Variants in NCAM1 observed in about 807,000 individuals in gnomAD.
NCAM1 encodes the protein antigen recognized by monoclonal antibody 5.1H11.
NCAM1 carries 14 observed loss-of-function variants against 109.8 expected under a neutral mutation model. The ratio of observed to expected loss-of-function variants is 0.13; its 90% CI spans 0.08 to 0.20. The LOEUF (loss-of-function observed/expected upper bound fraction) is 0.20, where lower values mean the gene tolerates loss of function less well. NCAM1 is among the 10% of genes least tolerant of loss of function. The pLI is 1.00. For missense variants in NCAM1, 774 were observed against 1,109.9 expected, an observed-to-expected ratio of 0.70 and a Z score of 4.30; for synonymous variants, 418 against 442.9, an observed-to-expected ratio of 0.94 and a Z score of 0.70.
chr11:113,242,574 C>A (rs1945363542), intron 14 of NCAM1, among the ~76,000 whole-genome samples: 2 of 152,146 alleles, frequency 1.3e-5, no homozygotes, highest in African/African-American at 4.8e-5. Context: ...CGCACCATTG[C>A]ACTCTAGCCT....
intron 1 of NCAM1, among the ~76,000 whole-genome samples, chr11:113,095,642 C>T (rs561244639): frequency 2.1e-4 from 32 of 152,338 alleles, no homozygotes; most frequent in Admixed American, 1.6e-3. Flanking sequence ...CAATAGCTGA[C>T]GTTTTCTGAG....
intron 1 of NCAM1, among the ~76,000 whole-genome samples, chr11:113,116,975 C>T (rs1219565272): frequency 1.3e-5 from 2 of 151,842 alleles, no homozygotes; most frequent in Non-Finnish European, 2.9e-5. Context: ...AGTGGGCACT[C>T]CCAGTCAAAT....
At chr11:113,190,993 C>T (rs1211563347) in intron 1 of NCAM1, among the ~76,000 whole-genome samples, 1 of 152,190 alleles carries the variant, frequency 6.6e-6, no homozygotes, top group Admixed American at 6.5e-5. Flanking sequence ...GAACCAGTCA[C>T]AATTTATGGA....
chr11:113,252,799 CTTTTTTTTTTTTTTTTTTT>C (rs33948720), intron 15 of NCAM1, among the ~76,000 whole-genome samples: 2 of 39,706 alleles, frequency 5.0e-5, no homozygotes, highest in African/African-American at 9.6e-5. Flanking sequence ...CTATGCCCAG[CTTTTTTTTTTTTTTTTTTT>C]TTTTTTTTTT....
rs962025679 is a variant in NCAM1, at chr11:113,278,338, C to T, written c.*2951C>T. ...TGAAACATCGATACCACCTTTGTTT[C>T]CATTCTCACTGGTGTAAATACTGAG... On this transcript the variant is annotated 3_prime_UTR_variant, in exon 20 of 20. Coordinates refer to ENST00000316851, the MANE Select transcript of NCAM1 (RefSeq NM_181351.5). The T allele has an allele frequency of 2.6e-5, 4 of 152,186 alleles. No individual in the cohort carries two copies. The South Asian group carries it at 8.3e-4, about 32-fold the overall frequency. The allele number at this position is 152,186 out of a possible 1,614,324, so 9.4% of individuals were successfully genotyped here. A position where few individuals can be genotyped will look rare whatever the true frequency, so the allele number is the denominator to read the frequency against.
In NCAM1 at chr11:113,260,301, G is replaced by A. The variant is rs782023264; in HGVS notation, c.2109G>A (p.Ser703=). The change falls in exon 17 of 20, where the codon TCG becomes TCA. Residue 703 remains serine (S), a synonymous_variant. Transcript: ENST00000316851. ...CGGCTCATTTTGTGTTCAGGACCTC[G>A]GCCCAGCCCACAGCCATCCCAGGTA... The part of the protein sequence containing the change: ...SKAAHFVFRT[S]AQPTAIPANG... 3.0e-5 allele frequency: 49 copies of A among 1,612,832 alleles called. No homozygotes were observed. Among genetic ancestry groups the A allele is most frequent in the Admixed American group, 8.4e-5 (5 of 59,744 alleles).
At chr11:113,171,235 A>C (rs1555106179) in intron 1 of NCAM1, among the ~76,000 whole-genome samples, 1 of 152,222 alleles carries the variant, frequency 6.6e-6, no homozygotes, top group African/African-American at 2.4e-5. Context: ...CTCTTAAGTA[A>C]GTGGCAGAGC....
intron 9 of NCAM1, 68 bp from the exon 10 acceptor site, chr11:113,231,577 C>A: frequency 4.7e-6 from 7 of 1,501,994 alleles, no homozygotes; most frequent in Non-Finnish European, 6.4e-6. Flanking sequence ...CCCCATCCTG[C>A]CATAGCACTG....
intron 1 of NCAM1, among the ~76,000 whole-genome samples, chr11:113,168,759 A>G (rs954445611): frequency 3.3e-5 from 5 of 152,202 alleles, no homozygotes; most frequent in Non-Finnish European, 5.9e-5. Context: ...AGCTAATTAT[A>G]TTTAACCACG....
intron 1 of NCAM1, among the ~76,000 whole-genome samples, chr11:113,043,861 C>T (rs1953166412): frequency 6.6e-6 from 1 of 152,096 alleles, no homozygotes; most frequent in Admixed American, 6.5e-5. Context: ...CATGCTCCAC[C>T]TAGCATTGTG....
At chr11:113,012,113 G>A (rs1555074607) in intron 1 of NCAM1, among the ~76,000 whole-genome samples, 2 of 151,808 alleles carry the variant, frequency 1.3e-5, no homozygotes, top group African/African-American at 4.8e-5. Flanking sequence ...CCATCTCCTG[G>A]GTTCAAGTGG....
intron 1 of NCAM1, among the ~76,000 whole-genome samples, chr11:113,027,318 G>A (rs1952577236): frequency 6.6e-6 from 1 of 152,190 alleles, no homozygotes; most frequent in Non-Finnish European, 1.5e-5. Flanking sequence ...TGGCTAAAAG[G>A]TAACAGAACA....
intron 1 of NCAM1, among the ~76,000 whole-genome samples, chr11:113,177,596 G>A (rs1271453398): frequency 3.3e-5 from 5 of 152,088 alleles, no homozygotes; most frequent in African/African-American, 1.2e-4. Flanking sequence ...ACCACACCCA[G>A]CTAATTTTGT....
At chr11:113,160,295 G>A (rs2136342988) in intron 1 of NCAM1, among the ~76,000 whole-genome samples, 1 of 152,314 alleles carries the variant, frequency 6.6e-6, no homozygotes, top group East Asian at 1.9e-4. Flanking sequence ...GCTAAATGGT[G>A]TTTCAGAGAA....
rs373089601 is a variant in NCAM1, at chr11:113,274,496, T to C, written c.2457-771T>C. Among the ~76,000 whole-genome samples the C allele has an allele frequency of 9.9e-5, 15 of 152,068 alleles. No homozygotes were observed. Among genetic ancestry groups the C allele is most frequent in the East Asian group, 5.8e-4 (3 of 5,178 alleles). ...TGATGGAGGCAGAGTCAGACCTAGA[T>C]TTTTATAGAGGCTCCTATGGCTGCT... On this transcript the variant is annotated intron_variant, in intron 19 of 19. Transcript: ENST00000316851. This position sits in a 1 kb window ranked among gnomAD's most constrained non-coding sequence, Gnocchi z 4.1.
At chr11:113,148,025 C>A (rs1221558478) in intron 1 of NCAM1, among the ~76,000 whole-genome samples, 1 of 152,218 alleles carries the variant, frequency 6.6e-6, no homozygotes, top group Non-Finnish European at 1.5e-5. Context: ...AATATCATGT[C>A]TTACAACAAT....
intron 17 of NCAM1, among the ~76,000 whole-genome samples, chr11:113,265,898 G>A (rs1471414715): frequency 3.3e-5 from 5 of 152,204 alleles, no homozygotes; most frequent in Non-Finnish European, 4.4e-5. Flanking sequence ...ATAGGCATCT[G>A]TGGGTCTCAT....
At chr11:113,202,554 C>A (rs1944100648) in intron 2 of NCAM1, 101 bp downstream of exon 2, 1 of 1,030,702 alleles carries the variant, frequency 9.7e-7, no homozygotes, top group Non-Finnish European at 1.4e-6. Flanking sequence ...TCAAGCCACA[C>A]CTAGAATTCT....
chr11:113,008,924 A>G (rs1421062861), intron 1 of NCAM1, among the ~76,000 whole-genome samples: 1 of 152,206 alleles, frequency 6.6e-6, no homozygotes, highest in Non-Finnish European at 1.5e-5. Context: ...TCAAGTGCAC[A>G]GAATGGAAGA....
Sources: gnomAD v4.1 joint callset for allele counts (sites outside exome capture counted in the v4.1 genomes callset) on GRCh38, gnomAD v4.1.1 for gene constraint, Gnocchi (gnomAD v3.1) non-coding constraint, MANE v1.5 for transcripts, NCBI Gene and HGNC (gene_info 2026-07-23, HGNC 2026-07-21) for gene names.